Variants in APCDD1L observed in about 807,000 individuals in gnomAD.
APCDD1L encodes APC down-regulated 1 like.
In APCDD1L, 21 loss-of-function variants were observed where a neutral mutation model predicts 24.2. That is an observed-to-expected ratio of 0.87 (90% CI 0.61 to 1.25). The LOEUF (loss-of-function observed/expected upper bound fraction) is 1.25. Ranked by LOEUF, APCDD1L falls within the 50% of genes most tolerant of loss-of-function variation. The pLI is 0.00. For missense variants in APCDD1L, 704 were observed against 711.7 expected (o/e 0.99, Z 0.12); for synonymous variants, 321 against 323.6 (o/e 0.99, Z 0.09).
At chr20:58,485,167 C>A (rs1990098977) in intron 1 of APCDD1L, among the ~76,000 whole-genome samples, 1 of 151,788 alleles carries the variant, frequency 6.6e-6, no homozygotes, top group South Asian at 2.1e-4. Flanking sequence ...CACACACACA[C>A]AATTATCAAA....
At position 58,494,707 on chromosome 20, in the gene APCDD1L, T is replaced by A. The variant is rs6100088; in HGVS notation, c.49+19952A>T. 0.036 allele frequency among the ~76,000 whole-genome samples: 5,516 copies of A among 152,194 alleles called. 197 individuals are homozygous for A. Among genetic ancestry groups the A allele is most frequent in the East Asian group, 0.17 (874 of 5,172 alleles). ...ATATCTAATAAAAATGCACATTTGA[T>A]CAAGTCAGTCCTGTTGAAAGCCCCT... is the stretch of plus-strand genomic sequence containing the variant. On this transcript the variant is annotated intron_variant, in intron 1 of 3. Coordinates refer to ENST00000371149, the MANE Select transcript of APCDD1L (RefSeq NM_153360.3). The surrounding 1 kb of genome is among the most constrained non-coding windows in gnomAD (Gnocchi z 4.8).
intron 1 of APCDD1L, among the ~76,000 whole-genome samples, chr20:58,475,331 C>T (rs1989885650): frequency 6.6e-6 from 1 of 152,092 alleles, no homozygotes; most frequent in Non-Finnish European, 1.5e-5. Flanking sequence ...ATTTCAGGCG[C>T]GAAGCGAGCA....
At chr20:58,491,071 C>T (rs901456952) in intron 1 of APCDD1L, among the ~76,000 whole-genome samples, 11 of 152,082 alleles carry the variant, frequency 7.2e-5, no homozygotes, top group African/African-American at 2.2e-4. Flanking sequence ...CAAACCCATT[C>T]GTAATTTAAA....
At chr20:58,462,339 C>G (rs942249489) in intron 3 of APCDD1L, among the ~76,000 whole-genome samples, 1 of 152,138 alleles carries the variant, frequency 6.6e-6, no homozygotes, top group Non-Finnish European at 1.5e-5. Flanking sequence ...GGTTGTCCAG[C>G]CTGGAAGTGG....
At chr20:58,496,994 G>A (rs1233581078) in intron 1 of APCDD1L, among the ~76,000 whole-genome samples, 4 of 152,186 alleles carry the variant, frequency 2.6e-5, no homozygotes, top group East Asian at 1.9e-4. Flanking sequence ...GAAAAGTCGC[G>A]ATGCAAATTT....
intron 3 of APCDD1L, among the ~76,000 whole-genome samples, chr20:58,463,894 TG>T (rs35696336): frequency 0.047 from 2,442 of 52,366 alleles, 197 homozygotes; most frequent in African/African-American, 0.11. Flanking sequence ...AGTTTTTTTT[TG>T]GGGGGGGGGG....
intron 1 of APCDD1L, among the ~76,000 whole-genome samples, chr20:58,505,144 TA>T (rs557500305): frequency 8.1e-4 from 123 of 152,308 alleles, no homozygotes; most frequent in African/African-American, 2.9e-3. Flanking sequence ...TTTTTTTATT[TA>T]AAAAAAGGAT....
chr20:58,473,673 G>A lies in APCDD1L; in HGVS notation c.50-2926C>T, dbSNP rs941992235. 2.6e-5 allele frequency among the ~76,000 whole-genome samples: 4 copies of A among 152,282 alleles called. 1 individual carries two copies. The highest frequency in any genetic ancestry group is 2.0e-4 in the Admixed American group (3 of 15,296). On this transcript the variant is annotated intron_variant, in intron 1 of 3. Coordinates refer to ENST00000371149, the MANE Select transcript of APCDD1L (RefSeq NM_153360.3). ...AACAGCTGAAAGCAGATGGTGCGGT[G>A]GGTTGGGTTACACAACTTTTTGCAG... is the stretch of plus-strand genomic sequence containing the variant.
At chr20:58,471,188 C>G (rs1989805950) in intron 1 of APCDD1L, among the ~76,000 whole-genome samples, 1 of 152,202 alleles carries the variant, frequency 6.6e-6, no homozygotes, top group Non-Finnish European at 1.5e-5. Context: ...GTGCTGGGGA[C>G]AGTGGGGCCC....
At chr20:58,466,143 A>AAAT (rs1989701100) in intron 3 of APCDD1L, among the ~76,000 whole-genome samples, 1 of 150,116 alleles carries the variant, frequency 6.7e-6, no homozygotes, top group Non-Finnish European at 1.5e-5. Flanking sequence ...AAAAAAAAAA[A>AAAT]GTGTGCTGGG....
At position 58,460,766 on chromosome 20, in the gene APCDD1L, G is replaced by A. The variant is rs111649893; in HGVS notation, c.*24C>T. On this transcript the variant is annotated 3_prime_UTR_variant, in exon 4 of 4. Transcript: ENST00000371149. This position sits in a 1 kb window ranked among gnomAD's most constrained non-coding sequence, Gnocchi z 4.2. ...AAGGGTTGAATGGGTGTCCAGAGCC[G>A]CCATCCTGATGTCAAGTCCAATGTC... The A allele has an allele frequency of 2.1e-5, 31 of 1,510,124 alleles. No individual in the cohort carries two copies. The African/African-American group carries it at 2.1e-4, about 10-fold the overall frequency. The allele number at this position is 1,510,124 out of a possible 1,614,324, so 93.5% of individuals were successfully genotyped here.
At chr20:58,485,872 G>C (rs181738732) in intron 1 of APCDD1L, among the ~76,000 whole-genome samples, 4 of 152,212 alleles carry the variant, frequency 2.6e-5, no homozygotes, top group African/African-American at 9.7e-5. Context: ...TGCCTGTAGA[G>C]CCCCTCCTGA....
Position 58,461,372 on chromosome 20 carries a change from G to T in APCDD1L, c.924C>A (p.Ser308Arg). The T allele has an allele frequency of 6.4e-7, 1 of 1,566,540 alleles. No homozygotes were observed. Among genetic ancestry groups the T allele is most frequent in the Non-Finnish European group, 8.7e-7 (1 of 1,151,236 alleles). The change falls in exon 4 of 4, where the codon AGC becomes AGA. Residue 308 changes from serine to arginine, a missense_variant. Coordinates refer to ENST00000371149, the MANE Select transcript of APCDD1L (RefSeq NM_153360.3). The surrounding 1 kb of genome is among the most constrained non-coding windows in gnomAD (Gnocchi z 6.0). ...GGTGGTAATACCCTTCCCAGGAGCGGCTGTGCCCGTGGAAAGTGAAGAGCC... is the reference window on the plus strand; with the variant it reads ...GGTGGTAATACCCTTCCCAGGAGCGTCTGTGCCCGTGGAAAGTGAAGAGCC... The part of the protein sequence containing the change: ...LTRLFTFHGH[S>R]RSWEGYYHHF...
At chr20:58,484,018 T>C (rs894414021) in intron 1 of APCDD1L, among the ~76,000 whole-genome samples, 1 of 152,158 alleles carries the variant, frequency 6.6e-6, no homozygotes, top group Non-Finnish European at 1.5e-5. Context: ...GCAGATAAAA[T>C]GCAGGATGCC....
intron 3 of APCDD1L, among the ~76,000 whole-genome samples, chr20:58,464,450 G>A (rs1300658740): frequency 6.6e-6 from 1 of 152,148 alleles, no homozygotes; most frequent in Non-Finnish European, 1.5e-5. Context: ...GAAATCTTTC[G>A]GGCATCTTTC....
chr20:58,483,259 A>G (rs1990058586), intron 1 of APCDD1L, among the ~76,000 whole-genome samples: 1 of 152,050 alleles, frequency 6.6e-6, no homozygotes, highest in African/African-American at 2.4e-5. Flanking sequence ...AGAGCTAGAG[A>G]AGCACAGAGC....
At position 58,467,636 on chromosome 20, in the gene APCDD1L, C is replaced by T. The variant is rs373839055; in HGVS notation, c.211G>A (p.Glu71Lys). 3 of 1,513,996 alleles carry T rather than the reference C, an allele frequency of 2.0e-6. No homozygotes were observed. The highest frequency in any genetic ancestry group is 1.8e-6 in the Non-Finnish European group (2 of 1,126,156). The allele number at this position is 1,513,996 out of a possible 1,614,324, so 93.8% of individuals were successfully genotyped here. The change falls in exon 3 of 4, where the codon GAG becomes AAG. Residue 71 changes from glutamate (E) to lysine (K), a missense_variant. Physicochemically the swap from Glu to Lys is moderately conservative, Grantham distance 56 (BLOSUM62 1). Transcript: ENST00000371149. The surrounding 1 kb of genome is among the most constrained non-coding windows in gnomAD (Gnocchi z 5.9). Reference protein sequence around the residue: ...STGCEVRPGPEFLTRAYTFYP... With the variant: ...STGCEVRPGPKFLTRAYTFYP... Reference sequence around the variant, plus strand: ...AAGGTGTAGGCGCGGGTCAGGAACTCCGGTCCTGGGCGCACCTCGCAGCTG... The same window carrying T: ...AAGGTGTAGGCGCGGGTCAGGAACTTCGGTCCTGGGCGCACCTCGCAGCTG...
intron 1 of APCDD1L, among the ~76,000 whole-genome samples, chr20:58,491,359 C>G (rs1297220165): frequency 1.3e-5 from 2 of 152,110 alleles, no homozygotes; most frequent in African/African-American, 4.8e-5. Flanking sequence ...TGTAAAAACT[C>G]AAAATCTACA....
chr20:58,505,991 T>C (rs781564880), intron 1 of APCDD1L, among the ~76,000 whole-genome samples: 28 of 152,152 alleles, frequency 1.8e-4, no homozygotes, highest in Non-Finnish European at 3.8e-4. Context: ...GAAGATTCCC[T>C]TCTACAGGCT....
Sources: allele counts gnomAD v4.1 joint callset (sites outside exome capture counted in the v4.1 genomes callset), GRCh38; gene constraint gnomAD v4.1.1; non-coding constraint Gnocchi (gnomAD v3.1); transcripts MANE v1.5; gene names NCBI Gene and HGNC (gene_info 2026-07-23, HGNC 2026-07-21).